TCEA1: variants seen among roughly 807,000 people sequenced by gnomAD.
TCEA1 encodes transcription elongation factor A1, also known as transcription elongation factor A protein 1.
A neutral mutation model predicts 43.8 loss-of-function variants in TCEA1; 21 were observed. That is an observed-to-expected ratio of 0.48 (90% CI 0.34 to 0.69). The LOEUF (loss-of-function observed/expected upper bound fraction) is 0.69. Among genes scored for constraint, TCEA1 ranks in the 30% least tolerant of loss-of-function variants. The pLI is 0.01. For synonymous variants in TCEA1, 104 were observed against 117.5 expected, an observed-to-expected ratio of 0.88 and a Z score of 0.75; for missense variants, 250 against 365.1, an observed-to-expected ratio of 0.68 and a Z score of 2.57.
rs1200809570 is a variant in TCEA1, at chr8:54,021,959, G to T, written c.63+104C>A. The stretch of plus-strand genomic sequence containing the variant: ...GCGCGGCGGGCCCGGCTCCCAGACG[G>T]GAGGCTGCAGGGGGAGGGGAGGGAG... On this transcript the variant is annotated intron_variant, in intron 1 of 9. Transcript: ENST00000521604. 7.7e-6 allele frequency: 9 copies of T among 1,176,384 alleles called. No individual in the cohort carries two copies. The South Asian group carries it at 1.9e-4, about 25-fold the overall frequency. The allele number at this position is 1,176,384 out of a possible 1,614,324, so 72.9% of individuals were successfully genotyped here.
intron 4 of TCEA1, among the ~76,000 whole-genome samples, chr8:53,992,849 G>A (rs1401241292): frequency 3.9e-5 from 6 of 152,162 alleles, no homozygotes; most frequent in Non-Finnish European, 7.4e-5. Context: ...TGCATAGTTC[G>A]TGAGATATAA....
At chr8:53,989,635 C>T (rs1224822270) in intron 4 of TCEA1, among the ~76,000 whole-genome samples, 8 of 152,098 alleles carry the variant, frequency 5.3e-5, no homozygotes, top group Admixed American at 2.6e-4. Flanking sequence ...CTCTATCAGA[C>T]TGAGTTTCTC....
At chr8:53,969,392 T>C (rs779131003) in intron 9 of TCEA1, among the ~76,000 whole-genome samples, 9 of 152,200 alleles carry the variant, frequency 5.9e-5, no homozygotes, top group Non-Finnish European at 1.3e-4. Context: ...TTTGGGACTC[T>C]GGCCCAAATG....
chr8:54,013,816 T>A (rs1023822794), intron 1 of TCEA1, among the ~76,000 whole-genome samples: 2 of 152,180 alleles, frequency 1.3e-5, no homozygotes, highest in African/African-American at 4.8e-5. Context: ...GCTATGTGCT[T>A]GGCATTGTTA....
At chr8:54,000,211 C>T (rs972768393) in intron 2 of TCEA1, among the ~76,000 whole-genome samples, 161 bp from the exon 3 acceptor site, 3 of 152,146 alleles carry the variant, frequency 2.0e-5, no homozygotes, top group African/African-American at 7.2e-5. Flanking sequence ...AAGATACATA[C>T]ATCTTCAGAT....
intron 3 of TCEA1, among the ~76,000 whole-genome samples, chr8:53,994,378 T>C (rs1803981071): frequency 6.6e-6 from 1 of 152,130 alleles, no homozygotes; most frequent in Non-Finnish European, 1.5e-5. Context: ...AATTAAAGCA[T>C]ACACAGCAAT....
At chr8:53,984,259 T>C (rs1041868885) in intron 7 of TCEA1, 104 bp downstream of exon 7, 5 of 1,104,730 alleles carry the variant, frequency 4.5e-6, no homozygotes, top group Non-Finnish European at 6.2e-6. Context: ...TAACGGAAAT[T>C]TATTACATAT....
At chr8:53,974,359 T>C (rs1585987832) in intron 8 of TCEA1, 1 of 152,266 alleles carries the variant, frequency 6.6e-6, no homozygotes, top group East Asian at 1.9e-4. Flanking sequence ...TAAATAGTTG[T>C]TCTTAATTGT....
rs1563494161 is a variant in TCEA1 at position 53,996,901 on chromosome 8, G to GTTTTTTTTTTTTTTT, written c.232+3043_232+3044insAAAAAAAAAAAAAAA. On this transcript the variant is annotated intron_variant, in intron 3 of 9. Coordinates refer to ENST00000521604, the MANE Select transcript of TCEA1 (RefSeq NM_006756.4). ...CTAGCTAAGGGGTAAAAAGAAGGTT[G>GTTTTTTTTTTTTTTT]TCTTTTTTTTTTTTTTTAGACAGAC... Among the ~76,000 whole-genome samples the GTTTTTTTTTTTTTTT allele has an allele frequency of 1.3e-4, 12 of 90,190 alleles. No individual in the cohort carries two copies. The East Asian group carries it at 2.7e-3, about 20-fold the overall frequency. The allele number at this position is 90,190 out of a possible 152,430, so 59.2% of individuals were successfully genotyped here. A position where few individuals can be genotyped will look rare whatever the true frequency, so the allele number is the denominator to read the frequency against.
chr8:53,975,239 G>GA (rs1398102162), intron 8 of TCEA1, among the ~76,000 whole-genome samples: 1 of 152,096 alleles, frequency 6.6e-6, no homozygotes, highest in Non-Finnish European at 1.5e-5. Context: ...ACTATACACA[G>GA]AAAAAAATTC....
chr8:53,999,244 A>G (rs2129308343), intron 3 of TCEA1, among the ~76,000 whole-genome samples: 1 of 150,866 alleles, frequency 6.6e-6, no homozygotes, highest in Non-Finnish European at 1.5e-5. Context: ...AAAAAAAAAA[A>G]AAGAAAGAAA....
intron 4 of TCEA1, among the ~76,000 whole-genome samples, chr8:53,992,776 C>A (rs1181133278): frequency 1.3e-5 from 2 of 152,150 alleles, no homozygotes; most frequent in East Asian, 3.8e-4. Context: ...AACCTACCAG[C>A]TTCCCAAGAA....
At chr8:54,015,028 A>G (rs1031537834) in intron 1 of TCEA1, among the ~76,000 whole-genome samples, 2 of 152,170 alleles carry the variant, frequency 1.3e-5, no homozygotes, top group African/African-American at 4.8e-5. Context: ...TATTTCTACC[A>G]TAACAATAAT....
At chr8:53,995,305 A>G (rs1396871975) in intron 3 of TCEA1, among the ~76,000 whole-genome samples, 1 of 149,610 alleles carries the variant, frequency 6.7e-6, no homozygotes, top group East Asian at 1.9e-4. Context: ...AAAAAAAAAA[A>G]AAAAAAAAAA....
chr8:54,013,222 T>C (rs1325014756), intron 1 of TCEA1, among the ~76,000 whole-genome samples: 3 of 152,368 alleles, frequency 2.0e-5, no homozygotes, highest in Non-Finnish European at 4.4e-5. Flanking sequence ...ATTAATTTTG[T>C]TACTTTCCTT....
At chr8:54,007,137 G>A (rs187168261) in intron 2 of TCEA1, among the ~76,000 whole-genome samples, 47 of 152,076 alleles carry the variant, frequency 3.1e-4, no homozygotes, top group Admixed American at 5.2e-4. Context: ...CCACCTGGTC[G>A]GCCTAGAGGA....
chr8:54,006,115 T>C (rs1281483655), intron 2 of TCEA1, among the ~76,000 whole-genome samples: 1 of 152,212 alleles, frequency 6.6e-6, no homozygotes, highest in Non-Finnish European at 1.5e-5. Flanking sequence ...ACCTCCCAGA[T>C]TATGTACTTA....
intron 7 of TCEA1, among the ~76,000 whole-genome samples, chr8:53,983,058 T>A (rs1198805051): frequency 2.6e-5 from 4 of 152,216 alleles, no homozygotes; most frequent in African/African-American, 4.8e-5. Context: ...CAATAACCAC[T>A]ACCCTAATCA....
rs113985385 is a variant in TCEA1, at chr8:54,014,637, A to G, written c.64-4145T>C. On this transcript the variant is annotated intron_variant, in intron 1 of 9. Coordinates refer to ENST00000521604, the MANE Select transcript of TCEA1 (RefSeq NM_006756.4). ...ATTGTTGGTGCTCCTATCTGGTAAT[A>G]GAAAACAAGTGATTTTATAAACCAT... Among the ~76,000 whole-genome samples the G allele has an allele frequency of 3.9e-5, 6 of 152,358 alleles. 1 individual carries two copies. The highest frequency in any genetic ancestry group is 1.2e-4 in the African/African-American group (5 of 41,582).
Sources: allele counts gnomAD v4.1 joint callset (sites outside exome capture counted in the v4.1 genomes callset), GRCh38; gene constraint gnomAD v4.1.1; transcripts MANE v1.5; gene names NCBI Gene and HGNC (gene_info 2026-07-23, HGNC 2026-07-21).